Variants in ITFG1 observed in about 807,000 individuals in gnomAD.
ITFG1 encodes the protein integrin alpha FG-GAP repeat containing 1, also known as T-cell immunomodulatory protein.
ITFG1 carries 34 observed loss-of-function variants against 81.8 expected under a neutral mutation model. That is an observed-to-expected ratio of 0.42 (90% CI 0.32 to 0.55). The LOEUF (loss-of-function observed/expected upper bound fraction) is 0.55, where lower values mean the gene tolerates loss of function less well. Among genes scored for constraint, ITFG1 ranks in the 20% least tolerant of loss-of-function variants. The probability of loss-of-function intolerance (pLI) is 0.17; values close to 1 mark genes in which losing one functional copy is unlikely to be tolerated. For synonymous variants in ITFG1, 285 were observed against 270.6 expected (o/e 1.05, Z -0.52); for missense variants, 672 against 755.4 (o/e 0.89, Z 1.29).
At chr16:47,338,608 A>C (rs933831326) in intron 8 of ITFG1, among the ~76,000 whole-genome samples, 1 of 152,178 alleles carries the variant, frequency 6.6e-6, no homozygotes, top group African/African-American at 2.4e-5. Context: ...CAACAGATAA[A>C]ATCCTGGAAG....
intron 6 of ITFG1, among the ~76,000 whole-genome samples, chr16:47,421,240 GTA>G (rs1968942835): frequency 7.1e-6 from 1 of 139,960 alleles, no homozygotes; most frequent in Non-Finnish European, 1.6e-5. Flanking sequence ...GTATATATAT[GTA>G]TATATACACA....
At chr16:47,391,502 G>A (rs1968530851) in intron 6 of ITFG1, among the ~76,000 whole-genome samples, 1 of 152,116 alleles carries the variant, frequency 6.6e-6, no homozygotes. Context: ...CGTATTTAAT[G>A]CCCTGGGCCT....
intron 14 of ITFG1, among the ~76,000 whole-genome samples, chr16:47,212,816 CT>C (rs372147696): frequency 3.3e-5 from 5 of 151,230 alleles, no homozygotes; most frequent in Admixed American, 1.3e-4. Flanking sequence ...TCTCCTCTCT[CT>C]TTTTTTTTGG....
At chr16:47,191,709 C>A (rs186425818) in intron 14 of ITFG1, among the ~76,000 whole-genome samples, 1 of 152,120 alleles carries the variant, frequency 6.6e-6, no homozygotes, top group Non-Finnish European at 1.5e-5. Context: ...CAAGGTTTCA[C>A]CATGCTGGCC....
intron 10 of ITFG1, chr16:47,299,860 C>T (rs1377348740): frequency 6.6e-6 from 1 of 152,324 alleles, no homozygotes; most frequent in African/African-American, 2.4e-5. Context: ...GGGGAGGTTC[C>T]CGAATCCCAT....
intron 8 of ITFG1, among the ~76,000 whole-genome samples, chr16:47,350,668 T>A (rs1175509969): frequency 6.6e-6 from 1 of 152,162 alleles, no homozygotes; most frequent in Non-Finnish European, 1.5e-5. Context: ...CTTCTGAAAC[T>A]ATTCCAATCA....
chr16:47,248,960 G>C (rs1229270858), intron 12 of ITFG1, among the ~76,000 whole-genome samples: 3 of 152,088 alleles, frequency 2.0e-5, no homozygotes, highest in Non-Finnish European at 2.9e-5. Flanking sequence ...GTTTTTGTTT[G>C]ATTTTTAAGT....
intron 8 of ITFG1, among the ~76,000 whole-genome samples, chr16:47,364,411 G>A (rs927080457): frequency 6.6e-6 from 1 of 152,090 alleles, no homozygotes; most frequent in Non-Finnish European, 1.5e-5. Flanking sequence ...TAAAACACAC[G>A]ATCATAAAAG....
rs1028221370 is a variant in ITFG1, at chr16:47,328,782, G to A, written c.803-14959C>T. Among the ~76,000 whole-genome samples the A allele has an allele frequency of 5.9e-5, 9 of 151,972 alleles. No individual in the cohort carries two copies. The East Asian group carries it at 7.7e-4, about 13-fold the overall frequency. ...AATGAAAGAGATCAAACTTTTTTCCGTCAACAGTCTCTCATTTTACTAATA... is the reference window on the plus strand; with the variant it reads ...AATGAAAGAGATCAAACTTTTTTCCATCAACAGTCTCTCATTTTACTAATA... On this transcript the variant is annotated intron_variant, in intron 8 of 17. Transcript: ENST00000320640.
chr16:47,457,313 GA>G (rs996556509), intron 2 of ITFG1, among the ~76,000 whole-genome samples: 100 of 112,950 alleles, frequency 8.9e-4, no homozygotes, highest in East Asian at 1.5e-3. Flanking sequence ...TCTGTCTCAA[GA>G]AAAAAAAAAA....
In ITFG1 at chr16:47,318,189, C is replaced by T. The variant is rs573349582; in HGVS notation, c.803-4366G>A. 2.6e-5 allele frequency among the ~76,000 whole-genome samples: 4 copies of T among 152,268 alleles called. No homozygotes were observed. In the South Asian group the frequency reaches 8.3e-4, roughly 32 times the overall value. On this transcript the variant is annotated intron_variant, in intron 8 of 17. Coordinates refer to ENST00000320640, the MANE Select transcript of ITFG1 (RefSeq NM_030790.5). Reference sequence around the variant, plus strand: ...ACCACCATAGCAGTTTCTTGTCTAACCTTCCAAGACAATCTATGCAAATAC... The same window carrying T: ...ACCACCATAGCAGTTTCTTGTCTAATCTTCCAAGACAATCTATGCAAATAC...
At chr16:47,228,360 TTTTG>T (rs987577017) in intron 13 of ITFG1, among the ~76,000 whole-genome samples, 4 of 152,162 alleles carry the variant, frequency 2.6e-5, no homozygotes, top group African/African-American at 7.2e-5. Context: ...AAGGTTTTTT[TTTTG>T]TTTGTTTGTT....
intron 8 of ITFG1, among the ~76,000 whole-genome samples, chr16:47,323,380 C>T (rs1366928418): frequency 6.6e-6 from 1 of 152,118 alleles, no homozygotes; most frequent in Admixed American, 6.5e-5. Context: ...TGAGCTACCA[C>T]ATTAGCAGGC....
intron 17 of ITFG1, among the ~76,000 whole-genome samples, chr16:47,156,253 A>G (rs938643450): frequency 4.6e-5 from 7 of 152,262 alleles, no homozygotes; most frequent in Middle Eastern, 3.4e-3. Context: ...CCTGGCCAAC[A>G]TGGTGAAACC....
intron 1 of ITFG1, 73 bp downstream of exon 1, chr16:47,460,765 G>A (rs1969523956): frequency 1.3e-6 from 2 of 1,509,946 alleles, no homozygotes; most frequent in East Asian, 4.6e-5. Context: ...ACCGGCCATT[G>A]GGCAATGGGT....
chr16:47,170,273 T>C (rs2151509677), intron 14 of ITFG1, among the ~76,000 whole-genome samples: 1 of 152,272 alleles, frequency 6.6e-6, no homozygotes, highest in South Asian at 2.1e-4. Flanking sequence ...TTTCATGAAA[T>C]TGTTGGTAGA....
chr16:47,430,233 AT>A (rs953713980), intron 5 of ITFG1, among the ~76,000 whole-genome samples: 334 of 136,362 alleles, frequency 2.4e-3, no homozygotes, highest in Middle Eastern at 7.2e-3. Flanking sequence ...AATTTTTTGT[AT>A]TTTTTTTTTT....
At chr16:47,269,872 T>C (rs1437351158) in intron 10 of ITFG1, among the ~76,000 whole-genome samples, 1 of 152,134 alleles carries the variant, frequency 6.6e-6, no homozygotes, top group Non-Finnish European at 1.5e-5. Context: ...ACTATCTGAA[T>C]TGACTACTCA....
At chr16:47,275,752 C>A (rs1966391357) in intron 10 of ITFG1, among the ~76,000 whole-genome samples, 1 of 151,958 alleles carries the variant, frequency 6.6e-6, no homozygotes, top group African/African-American at 2.4e-5. Context: ...AGTAATTCTG[C>A]CATTTTTAGA....
Sources: allele counts gnomAD v4.1 joint callset (sites outside exome capture counted in the v4.1 genomes callset), GRCh38; gene constraint gnomAD v4.1.1; transcripts MANE v1.5; gene names NCBI Gene and HGNC (gene_info 2026-07-23, HGNC 2026-07-21).